TNRC6B: variants seen among roughly 807,000 people sequenced by gnomAD.
The protein encoded by TNRC6B is trinucleotide repeat-containing gene 6B protein.
A neutral mutation model predicts 203.6 loss-of-function variants in TNRC6B; 52 were observed. The observed-to-expected ratio is 0.26, with a 90% confidence interval of 0.20 to 0.32. The LOEUF (loss-of-function observed/expected upper bound fraction) is 0.32. Among genes scored for constraint, TNRC6B ranks in the 10% least tolerant of loss-of-function variants. TNRC6B has a pLI of 1.00. For missense variants in TNRC6B, 1,923 were observed against 2,286.2 expected, an observed-to-expected ratio of 0.84 and a Z score of 3.24; for synonymous variants, 838 against 845.7, an observed-to-expected ratio of 0.99 and a Z score of 0.16.
intron 4 of TNRC6B, among the ~76,000 whole-genome samples, chr22:40,160,551 C>A (rs1339848659): frequency 6.6e-6 from 1 of 151,030 alleles, no homozygotes; most frequent in Non-Finnish European, 1.5e-5. Context: ...ATTAAACATT[C>A]TTATTCTTAT....
intron 7 of TNRC6B, among the ~76,000 whole-genome samples, chr22:40,274,551 G>A (rs1569049356): frequency 6.6e-6 from 1 of 151,820 alleles, no homozygotes. Flanking sequence ...CTCCCGAGTA[G>A]CTGGGACTAC....
intron 1 of TNRC6B, among the ~76,000 whole-genome samples, chr22:40,046,206 G>A (rs1463272495): frequency 1.3e-5 from 2 of 152,216 alleles, no homozygotes; most frequent in African/African-American, 4.8e-5. Context: ...GGTTTCTCTT[G>A]ATTTGGAGAA....
chr22:40,095,525 T>G (rs1208090418), intron 1 of TNRC6B, among the ~76,000 whole-genome samples: 4 of 152,056 alleles, frequency 2.6e-5, no homozygotes, highest in African/African-American at 9.7e-5. Flanking sequence ...AAATCTGGAT[T>G]CCAGGCATTT....
intron 1 of TNRC6B, among the ~76,000 whole-genome samples, chr22:40,197,531 C>A (rs139287127): frequency 1.3e-5 from 2 of 151,866 alleles, no homozygotes; most frequent in Admixed American, 1.3e-4. Flanking sequence ...TCATGATCTA[C>A]CCCCCTCGGC....
intron 1 of TNRC6B, among the ~76,000 whole-genome samples, chr22:40,057,292 GTTT>G (rs398037161): frequency 1.5e-5 from 2 of 130,002 alleles, no homozygotes; most frequent in Non-Finnish European, 3.2e-5. Flanking sequence ...AATATGCCAG[GTTT>G]TTTTTTTTTT....
At chr22:40,092,628 C>T (rs1183857140) in intron 1 of TNRC6B, among the ~76,000 whole-genome samples, 1 of 152,102 alleles carries the variant, frequency 6.6e-6, no homozygotes, top group Non-Finnish European at 1.5e-5. Context: ...CCCACTTCAG[C>T]CTCCCAAGTG....
At chr22:40,269,337 T>C (rs978582797) in intron 5 of TNRC6B, among the ~76,000 whole-genome samples, 29 of 151,920 alleles carry the variant, frequency 1.9e-4, no homozygotes, top group Non-Finnish European at 3.1e-4. Context: ...TTTTGCCATG[T>C]GGGTCTGGCT....
intron 3 of TNRC6B, among the ~76,000 whole-genome samples, chr22:40,155,442 C>T (rs994488946): frequency 1.1e-4 from 16 of 152,242 alleles, no homozygotes; most frequent in Non-Finnish European, 1.9e-4. Flanking sequence ...GCGCACACCA[C>T]CACATCCAGC....
chr22:40,063,890 A>G (rs1429602137), intron 1 of TNRC6B, among the ~76,000 whole-genome samples: 1 of 151,846 alleles, frequency 6.6e-6, no homozygotes, highest in East Asian at 1.9e-4. Flanking sequence ...TTTTGTAGAG[A>G]CAGGGTTTTG....
chr22:40,101,392 G>T (rs1433940270), intron 1 of TNRC6B, among the ~76,000 whole-genome samples: 1 of 152,124 alleles, frequency 6.6e-6, no homozygotes, highest in Non-Finnish European at 1.5e-5. Flanking sequence ...CAGCATTTCT[G>T]GCTCACTAGT....
chr22:40,045,098 C>T (rs1029847138), intron 1 of TNRC6B: 1 of 144,368 alleles, frequency 6.9e-6, no homozygotes, highest in African/African-American at 2.5e-5. Context: ...CCCGGGGGCG[C>T]GCGGCGCGGC....
At chr22:40,174,734 A>G (rs1426855251), upstream of TNRC6B, among the ~76,000 whole-genome samples, 1 of 151,782 alleles carries the variant, frequency 6.6e-6, no homozygotes, top group Non-Finnish European at 1.5e-5. Context: ...CTGAGGCAGG[A>G]GAATGGCGTG....
rs2070351327 is a variant in TNRC6B, at chr22:40,259,969, ATCT to A, written c.116-1859_116-1857del. Among the ~76,000 whole-genome samples, 3 of 152,094 alleles carry A rather than the reference ATCT, an allele frequency of 2.0e-5. No individual in the cohort carries two copies. In the South Asian group the frequency reaches 6.2e-4, roughly 32 times the overall value. On this transcript the variant is annotated intron_variant, in intron 3 of 22. Transcript: ENST00000454349. ...GTAGATTTTTATGGAGAGGGTAGTG[ATCT>A]TCTGGCAGCATGCAGCGAGGGAGGT...
chr22:40,136,053 G>C (rs1032663210), intron 3 of TNRC6B, among the ~76,000 whole-genome samples: 2 of 152,138 alleles, frequency 1.3e-5, no homozygotes, highest in African/African-American at 4.8e-5. Flanking sequence ...CCCATAGAAG[G>C]TCAAATGAAT....
At chr22:40,256,222 T>TA (rs2070274854) in intron 3 of TNRC6B, among the ~76,000 whole-genome samples, 1 of 152,124 alleles carries the variant, frequency 6.6e-6, no homozygotes, top group African/African-American at 2.4e-5. Flanking sequence ...AGATTGGGGC[T>TA]AGGAAACAAG....
intron 15 of TNRC6B, among the ~76,000 whole-genome samples, chr22:40,306,928 C>G (rs1240963942): frequency 6.6e-6 from 1 of 152,152 alleles, no homozygotes; most frequent in African/African-American, 2.4e-5. Flanking sequence ...GCGGAGGTTG[C>G]TGTGAGCCAG....
At chr22:40,125,891 G>A (rs1297418304) in intron 3 of TNRC6B, 2 of 1,604,294 alleles carry the variant, frequency 1.2e-6, no homozygotes, top group Non-Finnish European at 1.7e-6. Flanking sequence ...GGTACAGTTT[G>A]GGTAGAAATT....
chr22:40,154,299 TA>T (rs1011026113), intron 3 of TNRC6B, among the ~76,000 whole-genome samples: 6 of 151,294 alleles, frequency 4.0e-5, no homozygotes, highest in African/African-American at 1.5e-4. Context: ...CTGTCTCTAC[TA>T]AAAAAATACA....
chr22:40,091,135 C>T (rs369772761), intron 1 of TNRC6B, among the ~76,000 whole-genome samples: 1 of 152,190 alleles, frequency 6.6e-6, no homozygotes, highest in East Asian at 1.9e-4. Context: ...GCGCCCGCCA[C>T]CACACCCGCA....
Sources: gnomAD v4.1 joint callset for allele counts (sites outside exome capture counted in the v4.1 genomes callset) on GRCh38, gnomAD v4.1.1 for gene constraint, MANE v1.5 for transcripts, NCBI Gene and HGNC (gene_info 2026-07-23, HGNC 2026-07-21) for gene names.